Variants in AKAP6 observed in about 807,000 individuals in gnomAD.
AKAP6 encodes the protein A-kinase anchoring protein 6, also known as A-kinase anchor protein 6.
In AKAP6, 58 loss-of-function variants were observed where a neutral mutation model predicts 188.5. The ratio of observed to expected loss-of-function variants is 0.31; its 90% confidence interval spans 0.25 to 0.38. The LOEUF (loss-of-function observed/expected upper bound fraction) is 0.38, where lower values mean the gene tolerates loss of function less well. AKAP6 is among the 10% of genes least tolerant of loss of function. The pLI is 1.00. For synonymous variants in AKAP6, 989 were observed against 998.6 expected, an observed-to-expected ratio of 0.99 and a Z score of 0.18; for missense variants, 2,710 against 2,740.0, an observed-to-expected ratio of 0.99 and a Z score of 0.24.
At position 32,546,252 on chromosome 14, in the gene AKAP6, G is replaced by C. The variant is rs760359400; in HGVS notation, c.1599G>C (p.Glu533Asp). The C allele has an allele frequency of 6.2e-7, 1 of 1,614,170 alleles. No homozygotes were observed. The highest frequency in any genetic ancestry group is 8.5e-7 in the Non-Finnish European group (1 of 1,180,010). ...NTKSSAVPNG[E>D]LSYTSKAIEG... ...AGAGCTCAGCAGTGCCAAATGGAGAGCTTTCTTATACTTCCAAGGCCATAG... is the reference window on the plus strand; with the variant it reads ...AGAGCTCAGCAGTGCCAAATGGAGACCTTTCTTATACTTCCAAGGCCATAG... The change falls in exon 4 of 14, where the codon GAG (glutamate) becomes GAC (aspartate). Residue 533 changes from glutamate (E) to aspartate (D), a missense_variant. Transcript: ENST00000280979.
At chr14:32,550,306 G>A (rs544172374) in intron 4 of AKAP6, among the ~76,000 whole-genome samples, 23 of 152,154 alleles carry the variant, frequency 1.5e-4, no homozygotes, top group African/African-American at 4.6e-4. Context: ...TTTAAAAACC[G>A]TGCATAGATA....
chr14:32,646,859 C>T (rs1244687591), intron 7 of AKAP6, among the ~76,000 whole-genome samples: 2 of 152,192 alleles, frequency 1.3e-5, no homozygotes, highest in African/African-American at 2.4e-5. Flanking sequence ...TCATGGCATA[C>T]TTGAGGAAAG....
chr14:32,575,712 G>T (rs1391411237), intron 4 of AKAP6, among the ~76,000 whole-genome samples: 2 of 152,174 alleles, frequency 1.3e-5, no homozygotes, highest in African/African-American at 4.8e-5. Flanking sequence ...TCTCCTTGGA[G>T]ACTTGGTACA....
At chr14:32,441,238 C>T (rs1270689340) in intron 2 of AKAP6, among the ~76,000 whole-genome samples, 1 of 152,056 alleles carries the variant, frequency 6.6e-6, no homozygotes, top group African/African-American at 2.4e-5. Context: ...TACTAGTGGT[C>T]AAGTGTATAG....
At chr14:32,589,291 G>A (rs2139312371) in intron 5 of AKAP6, among the ~76,000 whole-genome samples, 1 of 152,308 alleles carries the variant, frequency 6.6e-6, no homozygotes, top group African/African-American at 2.4e-5. Flanking sequence ...ATTCCCACCA[G>A]TTTAAGGGTA....
intron 4 of AKAP6, among the ~76,000 whole-genome samples, chr14:32,553,501 T>C (rs1478391854): frequency 6.6e-6 from 1 of 152,016 alleles, no homozygotes; most frequent in Non-Finnish European, 1.5e-5. Flanking sequence ...GGAAAATTGA[T>C]TTTTGGATAA....
intron 12 of AKAP6, among the ~76,000 whole-genome samples, chr14:32,800,055 C>CTATATATATATA (rs1378793050): frequency 6.5e-5 from 7 of 108,016 alleles, no homozygotes; most frequent in Non-Finnish European, 1.4e-4. Context: ...CTCTCTCTCT[C>CTATATATATATA]TCTCTCTATA....
At position 32,824,461 on chromosome 14, in the gene AKAP6, T is replaced by G; in HGVS notation, c.6648T>G (p.Pro2216=). ...CAGATACAGTGGCTCTTTCAAGTCC[T>G]TCCTCTCAGGAAAGAGCTGAGGTTG... ...DDADTVALSS[P]SSQERAEVGK... Residue 2216 remains proline, a synonymous_variant, in exon 13 of 14, where the codon CCT becomes CCG. Transcript: ENST00000280979. The G allele has an allele frequency of 6.2e-7, 1 of 1,613,946 alleles. No individual in the cohort carries two copies. Among genetic ancestry groups the G allele is most frequent in the Non-Finnish European group, 8.5e-7 (1 of 1,179,946 alleles).
intron 12 of AKAP6, among the ~76,000 whole-genome samples, chr14:32,810,136 T>C (rs987631053): frequency 3.9e-5 from 6 of 152,124 alleles, no homozygotes; most frequent in African/African-American, 1.4e-4. Context: ...AACTCAGTCA[T>C]AGTCTCTTAG....
chr14:32,599,307 A>T, intron 5 of AKAP6, 103 bp from the exon 6 acceptor site: 1 of 876,852 alleles, frequency 1.1e-6, no homozygotes, highest in Non-Finnish European at 1.8e-6. Context: ...TATTGGGTAA[A>T]TTGGGCTGTG....
At chr14:32,576,102 AT>A (rs1470857369) in intron 4 of AKAP6, among the ~76,000 whole-genome samples, 2 of 152,180 alleles carry the variant, frequency 1.3e-5, no homozygotes, top group Non-Finnish European at 1.5e-5. Flanking sequence ...ATTATAAAAA[AT>A]ATTTACTTTT....
chr14:32,798,226 T>G (rs1197285652), intron 12 of AKAP6, among the ~76,000 whole-genome samples: 1 of 152,178 alleles, frequency 6.6e-6, no homozygotes, highest in African/African-American at 2.4e-5. Flanking sequence ...ATGGCTATTA[T>G]TAAAAAGTCA....
chr14:32,828,330 G>A (rs926660677), intron 13 of AKAP6, among the ~76,000 whole-genome samples: 2 of 152,120 alleles, frequency 1.3e-5, no homozygotes, highest in African/African-American at 4.8e-5. Flanking sequence ...TGGTGATTGT[G>A]TATGAATTTT....
intron 2 of AKAP6, among the ~76,000 whole-genome samples, chr14:32,461,465 C>G (rs1891320049): frequency 6.6e-6 from 1 of 152,174 alleles, no homozygotes; most frequent in Non-Finnish European, 1.5e-5. Flanking sequence ...CAAACTGTAG[C>G]AGACCTGCAG....
chr14:32,350,608 A>G (rs1283912688), intron 1 of AKAP6, among the ~76,000 whole-genome samples: 2 of 152,200 alleles, frequency 1.3e-5, no homozygotes, highest in East Asian at 1.9e-4. Flanking sequence ...TTCTGTACTA[A>G]GATCAGTTTT....
intron 1 of AKAP6, among the ~76,000 whole-genome samples, chr14:32,387,480 TTATTA>T (rs1297961445): frequency 6.7e-6 from 1 of 148,260 alleles, no homozygotes; most frequent in Non-Finnish European, 1.5e-5. Flanking sequence ...TTTTATTTTA[TTATTA>T]TATTTTATAT....
chr14:32,549,780 T>C (rs1883370863), intron 4 of AKAP6, among the ~76,000 whole-genome samples: 1 of 152,232 alleles, frequency 6.6e-6, no homozygotes, highest in Non-Finnish European at 1.5e-5. Flanking sequence ...TCCTCACAGC[T>C]AGTAAGTACA....
At chr14:32,392,003 GTTAA>G (rs1173110313) in intron 1 of AKAP6, among the ~76,000 whole-genome samples, 1 of 152,022 alleles carries the variant, frequency 6.6e-6, no homozygotes, top group Non-Finnish European at 1.5e-5. Flanking sequence ...TTAGAACCAT[GTTAA>G]TATTTCACTT....
At chr14:32,764,933 C>CTT (rs571680392) in intron 11 of AKAP6, among the ~76,000 whole-genome samples, 34 of 124,676 alleles carry the variant, frequency 2.7e-4, no homozygotes, top group East Asian at 4.8e-4. Context: ...TCAAGTGAAT[C>CTT]TTTTTTTTTT....
Sources: allele counts gnomAD v4.1 joint callset (sites outside exome capture counted in the v4.1 genomes callset), GRCh38; gene constraint gnomAD v4.1.1; transcripts MANE v1.5; gene names NCBI Gene and HGNC (gene_info 2026-07-23, HGNC 2026-07-21).